Variants in TFEC observed in about 807,000 individuals in gnomAD.
TFEC encodes class E basic helix-loop-helix protein 34.
Under a neutral mutation model 41.6 loss-of-function variants are expected in TFEC, and 31 were observed. The ratio of observed to expected loss-of-function variants is 0.74; its 90% CI spans 0.56 to 1.01. The LOEUF (loss-of-function observed/expected upper bound fraction) is 1.01, where lower values mean the gene tolerates loss of function less well. Among genes scored for constraint, TFEC ranks in the 50% least tolerant of loss-of-function variants. The pLI is 0.00. For missense variants in TFEC, 402 were observed against 404.1 expected, an observed-to-expected ratio of 0.99 and a Z score of 0.04; for synonymous variants, 143 against 140.6, an observed-to-expected ratio of 1.02 and a Z score of -0.12.
chr7:116,007,150 T>C (rs1794828288), intron 1 of TFEC, among the ~76,000 whole-genome samples: 1 of 152,298 alleles, frequency 6.6e-6, no homozygotes, highest in East Asian at 1.9e-4. Context: ...CTATCTTTTT[T>C]TTAGACAGGA....
intron 3 of TFEC, among the ~76,000 whole-genome samples, chr7:116,061,402 T>A (rs933829971): frequency 6.6e-6 from 1 of 152,110 alleles, no homozygotes; most frequent in Non-Finnish European, 1.5e-5. Flanking sequence ...AAGTTAGACA[T>A]GCCAAAAAAT....
intron 1 of TFEC, among the ~76,000 whole-genome samples, chr7:116,010,884 G>A (rs576953685): frequency 1.3e-5 from 2 of 152,066 alleles, no homozygotes; most frequent in African/African-American, 4.8e-5. Flanking sequence ...CAGAAATTAT[G>A]CATTCAACCC....
rs1413348671 is a variant in TFEC, at chr7:115,942,000, C to CTGA, written c.553_555dup (p.Ser185dup). ...TTTTGTAGCCACTTGATGTACTCCA[C>CTGA]TGATGCTTTTAGAATGGTTCCTTTG... On this transcript the variant is annotated inframe_insertion, in exon 7 of 8. Coordinates refer to ENST00000265440, the MANE Select transcript of TFEC (RefSeq NM_012252.4). 6.2e-7 allele frequency: 1 copy of CTGA among 1,612,910 alleles called. No homozygotes were observed. The highest frequency in any genetic ancestry group is 1.3e-5 in the African/African-American group (1 of 74,816).
At chr7:116,018,086 A>AG (rs1362692456) in intron 1 of TFEC, among the ~76,000 whole-genome samples, 1 of 152,232 alleles carries the variant, frequency 6.6e-6, no homozygotes, top group Non-Finnish European at 1.5e-5. Flanking sequence ...CACATATTAA[A>AG]TGCTTATAGA....
intron 1 of TFEC, among the ~76,000 whole-genome samples, chr7:116,130,882 G>A (rs1341179000): frequency 6.6e-6 from 1 of 152,164 alleles, no homozygotes; most frequent in African/African-American, 2.4e-5. Context: ...AAAGTACTGG[G>A]ATTATAGGCA....
At chr7:116,080,522 G>A (rs955718688) in intron 3 of TFEC, among the ~76,000 whole-genome samples, 19 of 152,006 alleles carry the variant, frequency 1.2e-4, no homozygotes, top group Admixed American at 1.1e-3. Flanking sequence ...CCATCAAAAA[G>A]TGGGATAAGG....
At chr7:116,096,439 G>T (rs1047844465) in intron 3 of TFEC, among the ~76,000 whole-genome samples, 2 of 152,164 alleles carry the variant, frequency 1.3e-5, no homozygotes, top group Non-Finnish European at 2.9e-5. Flanking sequence ...AAGAAAAAAG[G>T]AAGGTTGGAG....
At chr7:116,145,659 G>T (rs1399051359) in intron 1 of TFEC, among the ~76,000 whole-genome samples, 1 of 152,176 alleles carries the variant, frequency 6.6e-6, no homozygotes, top group African/African-American at 2.4e-5. Context: ...AGGAGTTTCA[G>T]TTTCAGACAT....
intron 2 of TFEC, among the ~76,000 whole-genome samples, chr7:115,977,443 G>A (rs1214020487): frequency 6.6e-6 from 1 of 151,946 alleles, no homozygotes; most frequent in Non-Finnish European, 1.5e-5. Context: ...AGAAGAAAAT[G>A]GGATAATACT....
chr7:116,149,481 T>A (rs59336540), intron 1 of TFEC, among the ~76,000 whole-genome samples: 3 of 152,154 alleles, frequency 2.0e-5, no homozygotes, highest in Non-Finnish European at 4.4e-5. Flanking sequence ...TCCCAAAGGA[T>A]AACCCAAGGC....
chr7:116,080,445 A>G (rs1205633836), intron 3 of TFEC, among the ~76,000 whole-genome samples: 1 of 152,160 alleles, frequency 6.6e-6, no homozygotes, highest in East Asian at 1.9e-4. Flanking sequence ...AATATCCAGA[A>G]TCTACAAAGA....
At chr7:115,991,730 A>G (rs1449135093) in intron 1 of TFEC, among the ~76,000 whole-genome samples, 3 of 151,108 alleles carry the variant, frequency 2.0e-5, no homozygotes, top group Non-Finnish European at 3.0e-5. Context: ...TAAAGCAAAG[A>G]GACTTAGACT....
At chr7:116,085,196 C>T (rs1477763490) in intron 3 of TFEC, among the ~76,000 whole-genome samples, 1 of 151,730 alleles carries the variant, frequency 6.6e-6, no homozygotes, top group Non-Finnish European at 1.5e-5. Flanking sequence ...GAAAGGCAGA[C>T]AAATGGCTTG....
chr7:116,030,315 T>C (rs1795746427), intron 1 of TFEC, among the ~76,000 whole-genome samples: 1 of 152,150 alleles, frequency 6.6e-6, no homozygotes, highest in South Asian at 2.1e-4. Flanking sequence ...GGCAACAAAA[T>C]GTTAAATCAT....
At chr7:115,943,008 T>C (rs1199380500) in intron 6 of TFEC, among the ~76,000 whole-genome samples, 3 of 152,144 alleles carry the variant, frequency 2.0e-5, no homozygotes, top group Admixed American at 1.3e-4. Context: ...AACATTTTTC[T>C]ACATATATTT....
In TFEC at chr7:115,938,642, A is replaced by G. The variant is rs1417369773; in HGVS notation, c.*1909T>C. Reference sequence around the variant, plus strand: ...TTACTATTTTTCTACTTTTATCAGCATTAGGGTCTCACATTTCATAGTGAC... The same window carrying G: ...TTACTATTTTTCTACTTTTATCAGCGTTAGGGTCTCACATTTCATAGTGAC... On this transcript the variant is annotated 3_prime_UTR_variant, in exon 8 of 8. Transcript: ENST00000265440. 6.6e-6 allele frequency: 1 copy of G among 151,910 alleles called. No individual in the cohort carries two copies. Among genetic ancestry groups the G allele is most frequent in the African/African-American group, 2.4e-5 (1 of 41,406 alleles). 9.4% of individuals were successfully genotyped at this position (151,910 alleles called of 1,614,324 possible).
intron 1 of TFEC, among the ~76,000 whole-genome samples, chr7:116,129,447 G>C (rs1225248279): frequency 6.6e-6 from 1 of 151,352 alleles, no homozygotes; most frequent in Non-Finnish European, 1.5e-5. Flanking sequence ...CATACAGAGA[G>C]CATTAAATGT....
intron 1 of TFEC, among the ~76,000 whole-genome samples, chr7:116,146,286 G>A (rs1314536031): frequency 6.6e-6 from 1 of 152,134 alleles, no homozygotes; most frequent in Non-Finnish European, 1.5e-5. Context: ...CCACTTGAGG[G>A]ATGACAGGCG....
At chr7:115,991,506 G>A (rs1204002713) in intron 1 of TFEC, among the ~76,000 whole-genome samples, 1 of 152,062 alleles carries the variant, frequency 6.6e-6, no homozygotes, top group Non-Finnish European at 1.5e-5. Flanking sequence ...ACACACATAG[G>A]CTCAAAATAA....
Sources: gnomAD v4.1 joint callset for allele counts (sites outside exome capture counted in the v4.1 genomes callset) on GRCh38, gnomAD v4.1.1 for gene constraint, MANE v1.5 for transcripts, NCBI Gene and HGNC (gene_info 2026-07-23, HGNC 2026-07-21) for gene names.